PCDHGA1: variants seen among roughly 807,000 people sequenced by gnomAD.
PCDHGA1 encodes the protein protocadherin gamma-A1.
A neutral mutation model predicts 58.0 loss-of-function variants in PCDHGA1; 32 were observed. The observed-to-expected ratio is 0.55, with a 90% CI of 0.42 to 0.74. The LOEUF is 0.74. Among genes scored for constraint, PCDHGA1 ranks in the 30% least tolerant of loss-of-function variants. PCDHGA1 has a pLI of 0.00. For synonymous variants in PCDHGA1, 498 were observed against 501.1 expected, an observed-to-expected ratio of 0.99 and a Z score of 0.08; for missense variants, 1,205 against 1,182.3, an observed-to-expected ratio of 1.02 and a Z score of -0.28.
At chr5:141,346,531 G>A (rs1757767818) in intron 1 of PCDHGA1, 8 of 1,571,448 alleles carry the variant, frequency 5.1e-6, no homozygotes, top group Admixed American at 1.8e-5. Flanking sequence ...TAACACATAT[G>A]TATTTGAGAA....
Position 141,486,672 on chromosome 5 carries a change from G to A in PCDHGA1, c.2422-8135G>A. The A allele has an allele frequency of 5.0e-6, 8 of 1,614,000 alleles. No homozygotes were observed. Among genetic ancestry groups the A allele is most frequent in the Non-Finnish European group, 5.9e-6 (7 of 1,180,028 alleles). On this transcript the variant is annotated intron_variant, in intron 1 of 3. Coordinates refer to ENST00000517417, the MANE Select transcript of PCDHGA1 (RefSeq NM_018912.3). This position sits in a 1 kb window ranked among gnomAD's most constrained non-coding sequence, Gnocchi z 5.0. Reference sequence around the variant, plus strand: ...TACTCACTCCTGGAGCCCAGGAATCGAGATGTATCAGCTTCCTCTTTCATC... The same window carrying A: ...TACTCACTCCTGGAGCCCAGGAATCAAGATGTATCAGCTTCCTCTTTCATC...
intron 1 of PCDHGA1, chr5:141,400,004 G>T (rs750835037): frequency 2.5e-6 from 4 of 1,612,420 alleles, no homozygotes; most frequent in East Asian, 2.2e-5. Flanking sequence ...CGCACAGCGC[G>T]TGCCTTGGGC....
intron 1 of PCDHGA1, chr5:141,366,197 A>G (rs1561536841): frequency 6.2e-7 from 1 of 1,613,780 alleles, no homozygotes. Context: ...TGGGCTGCAC[A>G]CGGGCGAGGT....
chr5:141,405,974 A>T (rs1194827537), intron 1 of PCDHGA1, among the ~76,000 whole-genome samples: 1 of 152,002 alleles, frequency 6.6e-6, no homozygotes, highest in Non-Finnish European at 1.5e-5. Context: ...AACGTAAACC[A>T]TACTTCATGG....
At chr5:141,417,626 T>A (rs1156653216) in intron 1 of PCDHGA1, 3 of 689,458 alleles carry the variant, frequency 4.4e-6, no homozygotes, top group Non-Finnish European at 6.8e-6. Context: ...GAGCAAGCGC[T>A]GACGCCGGGG....
At chr5:141,351,524 G>C (rs935078369) in intron 1 of PCDHGA1, 1 of 1,613,998 alleles carries the variant, frequency 6.2e-7, no homozygotes, top group African/African-American at 1.3e-5. Flanking sequence ...CATAGCCACC[G>C]ACAAGGGCAA....
At chr5:141,423,841 T>A (rs1413277726) in intron 1 of PCDHGA1, 15 of 1,282,014 alleles carry the variant, frequency 1.2e-5, no homozygotes, top group Non-Finnish European at 1.4e-5. Context: ...ATTACGATAA[T>A]CTTTCAGAAC....
rs140226913 is a variant in PCDHGA1 at position 141,331,441 on chromosome 5, G to A, written c.757G>A (p.Glu253Lys). ...GGCACAATACCATATAAATGTCCCC[G>A]AAAACGTGCCGCTGGGTACTCAGCT... Reference protein sequence around the residue: ...TQAQYHINVPENVPLGTQLLM... With the variant: ...TQAQYHINVPKNVPLGTQLLM... Residue 253 changes from glutamate (E) to lysine (K), a missense_variant, in exon 1 of 4, where the codon GAA becomes AAA. Glu to Lys is a moderately conservative substitution (Grantham distance 56, BLOSUM62 1). Coordinates refer to ENST00000517417, the MANE Select transcript of PCDHGA1 (RefSeq NM_018912.3). The A allele has an allele frequency of 3.1e-6, 5 of 1,614,086 alleles. No individual in the cohort carries two copies. Among genetic ancestry groups the A allele is most frequent in the East Asian group, 2.2e-5 (1 of 44,884 alleles).
chr5:141,412,983 G>A (rs1372992044), intron 1 of PCDHGA1: 1 of 557,334 alleles, frequency 1.8e-6, no homozygotes, highest in Admixed American at 3.6e-5. Context: ...CGCAGCCAGA[G>A]CTCAATCCGG....
chr5:141,422,175 T>G (rs2096631593), intron 1 of PCDHGA1: 1 of 1,564,276 alleles, frequency 6.4e-7, no homozygotes, highest in Non-Finnish European at 8.6e-7. Context: ...ATAGATTCTA[T>G]GAGATGGAAA....
intron 1 of PCDHGA1, among the ~76,000 whole-genome samples, chr5:141,436,720 A>G (rs1337926057): frequency 1.5e-4 from 23 of 152,216 alleles, no homozygotes; most frequent in Non-Finnish European, 3.4e-4. Context: ...TCTGTTGGGA[A>G]AAATAATAAT....
Position 141,503,010 on chromosome 5 carries a change from AT to A in PCDHGA1, c.2481-2371del, listed in dbSNP as rs199924715. ...AGGCGTGTGCCACCATGCCCGGTTA[AT>A]TTTTTTTTTTTAATATCTATTTTAG... On this transcript the variant is annotated intron_variant, in intron 2 of 3. Coordinates refer to ENST00000517417, the MANE Select transcript of PCDHGA1 (RefSeq NM_018912.3). Among the ~76,000 whole-genome samples the A allele has an allele frequency of 6.8e-3, 997 of 146,562 alleles. 9 individuals are homozygous for A. The highest frequency in any genetic ancestry group is 0.023 in the African/African-American group (916 of 39,838).
In PCDHGA1 at chr5:141,476,780, C is replaced by T. The variant is rs201463036; in HGVS notation, c.2422-18027C>T. On this transcript the variant is annotated intron_variant, in intron 1 of 3. Transcript: ENST00000517417. This position sits in a 1 kb window ranked among gnomAD's most constrained non-coding sequence, Gnocchi z 7.6. ...GCTGACGGCGTTGGACGGAGGGACCCCAGCTCTCTCCGCCAGCCTGCCTAT... is the reference window on the plus strand; with the variant it reads ...GCTGACGGCGTTGGACGGAGGGACCTCAGCTCTCTCCGCCAGCCTGCCTAT... 234 of 1,613,464 alleles carry T rather than the reference C, an allele frequency of 1.5e-4. No individual in the cohort carries two copies. Among genetic ancestry groups the T allele is most frequent in the Non-Finnish European group, 1.9e-4 (227 of 1,180,026 alleles).
intron 1 of PCDHGA1, chr5:141,340,272 CG>C (rs1756925968): frequency 3.1e-6 from 5 of 1,614,048 alleles, no homozygotes; most frequent in Non-Finnish European, 4.2e-6. Context: ...TCCCTGTCCA[CG>C]GATGCTCACA....
At chr5:141,383,303 C>T (rs1445366017) in intron 1 of PCDHGA1, 4 of 1,613,892 alleles carry the variant, frequency 2.5e-6, no homozygotes. Flanking sequence ...AGATTCTTGA[C>T]GGAAGAAATA....
intron 1 of PCDHGA1, chr5:141,351,561 T>A (rs767147157): frequency 1.2e-6 from 2 of 1,614,004 alleles, no homozygotes; most frequent in Non-Finnish European, 8.5e-7. Flanking sequence ...AGGACAAGCA[T>A]CACCCTGCAC....
intron 1 of PCDHGA1, among the ~76,000 whole-genome samples, chr5:141,482,057 C>A (rs2099551189): frequency 6.7e-6 from 1 of 149,978 alleles, no homozygotes; most frequent in Non-Finnish European, 1.5e-5. Flanking sequence ...TGCATTCCAG[C>A]CTGGGCAACA....
intron 1 of PCDHGA1, chr5:141,413,714 A>T: frequency 6.2e-7 from 1 of 1,613,586 alleles, no homozygotes; most frequent in Non-Finnish European, 8.5e-7. Flanking sequence ...AGCCCCAATA[A>T]GCACTTCTCC....
intron 1 of PCDHGA1, chr5:141,357,650 A>G: frequency 6.2e-7 from 1 of 1,608,974 alleles, no homozygotes; most frequent in Non-Finnish European, 8.5e-7. Flanking sequence ...AGATCATACC[A>G]CACTGAAATA....
Sources: gnomAD v4.1 joint callset for allele counts (sites outside exome capture counted in the v4.1 genomes callset) on GRCh38, gnomAD v4.1.1 for gene constraint, Gnocchi (gnomAD v3.1) non-coding constraint, MANE v1.5 for transcripts, NCBI Gene and HGNC (gene_info 2026-07-23, HGNC 2026-07-21) for gene names.